FAM178B: variants seen among roughly 807,000 people sequenced by gnomAD.
FAM178B encodes the protein protein FAM178B.
FAM178B carries 82 observed loss-of-function variants against 91.7 expected under a neutral mutation model. The ratio of observed to expected loss-of-function variants is 0.89; its 90% CI spans 0.75 to 1.07. The LOEUF (loss-of-function observed/expected upper bound fraction) is 1.07. FAM178B is among the 50% of genes least tolerant of loss of function. FAM178B has a pLI of 0.00. For synonymous variants in FAM178B, 368 were observed against 359.4 expected (o/e 1.02, Z -0.27); for missense variants, 769 against 846.7 (o/e 0.91, Z 1.14).
chr2:96,928,975 C>A (rs1245997968), intron 9 of FAM178B, among the ~76,000 whole-genome samples: 2 of 95,616 alleles, frequency 2.1e-5, no homozygotes, highest in Non-Finnish European at 3.6e-5. Context: ...CGTAGGGAGA[C>A]CCCCCCCCGC....
rs1288194838 is a variant in FAM178B, at chr2:96,982,860, G to A, written c.73+3381C>T. On this transcript the variant is annotated intron_variant, in intron 1 of 16. Transcript: ENST00000490605. ...TTCCCAAAGTGCTGGGATTACAGGC[G>A]TGAGCCACTGCACCCAGTCTAATTT... 8.7e-5 allele frequency among the ~76,000 whole-genome samples: 13 copies of A among 149,864 alleles called. No individual in the cohort carries two copies. In the South Asian group the frequency reaches 2.3e-3, roughly 27 times the overall value.
At chr2:96,922,803 C>T (rs1393053021) in intron 10 of FAM178B, among the ~76,000 whole-genome samples, 1 of 152,002 alleles carries the variant, frequency 6.6e-6, no homozygotes, top group Non-Finnish European at 1.5e-5. Flanking sequence ...TTCCCAGTTT[C>T]AAGCAATTCT....
intron 8 of FAM178B, among the ~76,000 whole-genome samples, chr2:96,940,161 C>T (rs2153372507): frequency 6.6e-6 from 1 of 152,286 alleles, no homozygotes; most frequent in Non-Finnish European, 1.5e-5. Flanking sequence ...AGACCTGGAT[C>T]CCAGCCCGCC....
At chr2:96,977,883 C>T (rs975603030) in intron 1 of FAM178B, 2 of 442,748 alleles carry the variant, frequency 4.5e-6, no homozygotes, top group South Asian at 1.6e-5. Flanking sequence ...CTCAAGATCA[C>T]GAAGCCCAGG....
chr2:96,980,483 G>C (rs1468301214), intron 1 of FAM178B, among the ~76,000 whole-genome samples: 2 of 152,084 alleles, frequency 1.3e-5, no homozygotes, highest in African/African-American at 4.8e-5. Flanking sequence ...CTGCAGCCTA[G>C]AACTCTTGGC....
At chr2:96,959,854 G>T (rs2082055450) in intron 6 of FAM178B, among the ~76,000 whole-genome samples, 1 of 152,174 alleles carries the variant, frequency 6.6e-6, no homozygotes, top group African/African-American at 2.4e-5. Context: ...CCTGCAGCTG[G>T]GGACACGCTT....
chr2:96,879,060 G>A lies in FAM178B; in HGVS notation c.1777-567C>T, dbSNP rs531531635. On this transcript the variant is annotated intron_variant, in intron 14 of 16. Coordinates refer to ENST00000490605, the MANE Select transcript of FAM178B (RefSeq NM_001122646.3). ...GACGCAGGCCTGCTCCATCTGGCCC[G>A]AGAACAATTTGATCTTGAGGCACCC... Among the ~76,000 whole-genome samples the A allele has an allele frequency of 7.2e-4, 109 of 152,338 alleles. 2 individuals are homozygous for A. The South Asian group carries it at 0.022, about 31-fold the overall frequency.
At chr2:96,913,497 A>G (rs1451103619) in intron 12 of FAM178B, among the ~76,000 whole-genome samples, 1 of 152,202 alleles carries the variant, frequency 6.6e-6, no homozygotes, top group Admixed American at 6.5e-5. Flanking sequence ...CTGGCCCCAC[A>G]GTGAGGAAGT....
rs904631831 is a variant in FAM178B at position 96,972,718 on chromosome 2, G to A, written c.74-112C>T. ...GGGCCCACTGTGCCCAAGAGGGTCC[G>A]CCCTGAGGACTGGCCTTCTGATCCC... On this transcript the variant is annotated intron_variant, in intron 1 of 16. Coordinates refer to ENST00000490605, the MANE Select transcript of FAM178B (RefSeq NM_001122646.3). The A allele has an allele frequency of 6.5e-6, 6 of 922,098 alleles. No individual in the cohort carries two copies. The Admixed American group carries it at 7.1e-5, about 11-fold the overall frequency. 57.1% of individuals were successfully genotyped at this position (922,098 alleles called of 1,614,324 possible). A position where few individuals can be genotyped will look rare whatever the true frequency, so the allele number is the denominator to read the frequency against.
intron 13 of FAM178B, among the ~76,000 whole-genome samples, chr2:96,902,318 A>G (rs1324010148): frequency 6.6e-6 from 1 of 151,078 alleles, no homozygotes; most frequent in Non-Finnish European, 1.5e-5. Context: ...GTTAGCCAGG[A>G]TGGTCTTGAT....
intron 7 of FAM178B, among the ~76,000 whole-genome samples, chr2:96,949,281 C>T (rs952670586): frequency 9.2e-5 from 14 of 152,180 alleles, no homozygotes; most frequent in African/African-American, 2.9e-4. Context: ...CCCTCACCCA[C>T]GCCCTGGCTC....
intron 1 of FAM178B, among the ~76,000 whole-genome samples, chr2:96,975,124 A>T (rs2082273283): frequency 6.9e-6 from 1 of 144,980 alleles, no homozygotes; most frequent in East Asian, 2.0e-4. Context: ...AAAAAGAACC[A>T]ATCATCAAGA....
At chr2:96,878,532 C>T in intron 14 of FAM178B, 39 bp from the exon 15 acceptor site, 3 of 1,598,354 alleles carry the variant, frequency 1.9e-6, no homozygotes, top group Non-Finnish European at 2.6e-6. Context: ...TCTCTAACTC[C>T]ACCCAGGGCA....
At chr2:96,957,102 C>T (rs1188944306) in intron 6 of FAM178B, among the ~76,000 whole-genome samples, 3 of 152,038 alleles carry the variant, frequency 2.0e-5, no homozygotes, top group African/African-American at 4.8e-5. Flanking sequence ...TGAGCTCAAG[C>T]GATCCTCCCA....
At chr2:96,958,535 C>T (rs1187719346) in intron 6 of FAM178B, among the ~76,000 whole-genome samples, 5 of 151,044 alleles carry the variant, frequency 3.3e-5, no homozygotes, top group Non-Finnish European at 7.4e-5. Flanking sequence ...CAAAAAAATA[C>T]AAAAATTAAC....
chr2:96,905,919 TG>T (rs1437932184), intron 12 of FAM178B, among the ~76,000 whole-genome samples: 1 of 132,232 alleles, frequency 7.6e-6, no homozygotes, highest in Non-Finnish European at 1.6e-5. Flanking sequence ...TTGCCCAGAC[TG>T]GCATGCAATG....
At position 96,878,452 on chromosome 2, in the gene FAM178B, T is replaced by C. The variant is rs2153367009; in HGVS notation, c.1818A>G (p.Val606=). The change falls in exon 15 of 17, where the codon GTA becomes GTG. Residue 606 remains valine, a synonymous_variant. Transcript: ENST00000490605. The part of the protein sequence containing the change: ...LCHSLLMLAG[V]VVSCQDITPD... ...GAGTGATGTCCTGGCAGCTAACAAC[T>C]ACCCCGGCCAGCATCAGCAAGCTGT... 1 of 1,613,810 alleles carries C rather than the reference T, an allele frequency of 6.2e-7. No individual in the cohort carries two copies. Among genetic ancestry groups the C allele is most frequent in the Non-Finnish European group, 8.5e-7 (1 of 1,179,950 alleles).
chr2:96,961,350 C>T (rs1180932658), intron 5 of FAM178B, among the ~76,000 whole-genome samples: 1 of 151,574 alleles, frequency 6.6e-6, no homozygotes, highest in Non-Finnish European at 1.5e-5. Context: ...TACACACACA[C>T]AAGCCTACAC....
At chr2:96,918,177 T>TAAAAAAAAAAAAAA (rs1210907357) in intron 12 of FAM178B, among the ~76,000 whole-genome samples, 1 of 118,612 alleles carries the variant, frequency 8.4e-6, no homozygotes. Context: ...ACTGAAAAAG[T>TAAAAAAAAAAAAAA]AAAAAAAAAA....
Sources: allele counts gnomAD v4.1 joint callset (sites outside exome capture counted in the v4.1 genomes callset), GRCh38; gene constraint gnomAD v4.1.1; transcripts MANE v1.5; gene names NCBI Gene and HGNC (gene_info 2026-07-23, HGNC 2026-07-21).